Variants in PTPRT observed in about 807,000 individuals in gnomAD.
PTPRT encodes receptor-type tyrosine-protein phosphatase T.
Under a neutral mutation model 176.8 loss-of-function variants are expected in PTPRT, and 56 were observed. That is an observed-to-expected ratio of 0.32 (90% CI 0.26 to 0.40). PTPRT has a LOEUF of 0.40. Ranked by LOEUF, PTPRT falls within the 10% of genes least tolerant of loss-of-function variation. The pLI is 1.00. For synonymous variants in PTPRT, 783 were observed against 739.0 expected (o/e 1.06, Z -0.96); for missense variants, 1,540 against 1,908.2 (o/e 0.81, Z 3.60).
At chr20:43,065,535 A>C (rs902011164) in intron 1 of PTPRT, among the ~76,000 whole-genome samples, 1 of 152,216 alleles carries the variant, frequency 6.6e-6, no homozygotes, top group Non-Finnish European at 1.5e-5. Flanking sequence ...GGAGTGTCTC[A>C]CAGAAGGCAG....
intron 18 of PTPRT, among the ~76,000 whole-genome samples, chr20:42,135,388 A>C (rs1475504788): frequency 6.6e-6 from 1 of 152,248 alleles, no homozygotes; most frequent in East Asian, 1.9e-4. Context: ...TGGCATCAGC[A>C]GCACCTGGGA....
chr20:42,744,096 A>C (rs2145352362), intron 6 of PTPRT, among the ~76,000 whole-genome samples: 1 of 152,342 alleles, frequency 6.6e-6, no homozygotes, highest in Admixed American at 6.5e-5. Flanking sequence ...GGGACTGTTC[A>C]CCTGGACACC....
intron 15 of PTPRT, among the ~76,000 whole-genome samples, chr20:42,202,838 G>A (rs1991506369): frequency 6.6e-6 from 1 of 152,150 alleles, no homozygotes; most frequent in Admixed American, 6.5e-5. Flanking sequence ...GGAAAGGGTT[G>A]TCTTAGGCAC....
intron 14 of PTPRT, among the ~76,000 whole-genome samples, chr20:42,243,073 GA>G (rs1179344905): frequency 6.6e-6 from 1 of 151,458 alleles, no homozygotes; most frequent in East Asian, 1.9e-4. Context: ...GAGGGAGGGG[GA>G]GAAAGAGAGA....
intron 1 of PTPRT, among the ~76,000 whole-genome samples, chr20:43,150,834 G>A (rs865806099): frequency 1.3e-5 from 2 of 152,180 alleles, no homozygotes; most frequent in Admixed American, 1.3e-4. Flanking sequence ...CTGTTACAGA[G>A]TTGGTACAAT....
At chr20:42,318,930 A>G (rs2057759406) in intron 11 of PTPRT, among the ~76,000 whole-genome samples, 1 of 152,114 alleles carries the variant, frequency 6.6e-6, no homozygotes, top group South Asian at 2.1e-4. Context: ...GAGGAACCAC[A>G]TGGCTGTCCT....
At chr20:42,396,473 A>G (rs1568843528) in intron 9 of PTPRT, among the ~76,000 whole-genome samples, 1 of 151,424 alleles carries the variant, frequency 6.6e-6, no homozygotes, top group Non-Finnish European at 1.5e-5. Flanking sequence ...AAAAAGCCAA[A>G]TTAGTTTCTT....
chr20:42,841,627 AC>A (rs1241957128), intron 2 of PTPRT, among the ~76,000 whole-genome samples: 5 of 149,822 alleles, frequency 3.3e-5, no homozygotes, highest in South Asian at 2.1e-4. Context: ...ACACACACAC[AC>A]ACACACACAC....
intron 6 of PTPRT, among the ~76,000 whole-genome samples, chr20:42,715,462 G>A (rs950275707): frequency 6.6e-6 from 1 of 152,074 alleles, no homozygotes; most frequent in Admixed American, 6.5e-5. Flanking sequence ...GACATCAGAA[G>A]TAAGAAAATA....
intron 5 of PTPRT, among the ~76,000 whole-genome samples, chr20:42,757,458 C>T (rs1600704691): frequency 6.6e-6 from 1 of 152,160 alleles, no homozygotes; most frequent in Admixed American, 6.5e-5. Context: ...AGCCTTCCAA[C>T]ACCTCTCTTC....
chr20:42,451,826 G>A (rs1169391206), intron 8 of PTPRT, among the ~76,000 whole-genome samples: 2 of 152,208 alleles, frequency 1.3e-5, no homozygotes, highest in Non-Finnish European at 2.9e-5. Flanking sequence ...GAAGAGGGTT[G>A]AGAAGAGAGG....
chr20:42,400,930 GGGAA>G (rs1046683581), intron 9 of PTPRT, among the ~76,000 whole-genome samples: 11 of 152,000 alleles, frequency 7.2e-5, no homozygotes, highest in African/African-American at 2.2e-4. Context: ...AAGCTATACT[GGGAA>G]GGAAGGAAGG....
chr20:42,989,112 C>T (rs950910741), intron 1 of PTPRT, among the ~76,000 whole-genome samples: 5 of 152,192 alleles, frequency 3.3e-5, no homozygotes, highest in Admixed American at 6.5e-5. Context: ...CATTATTATG[C>T]CCATTTTATG....
chr20:42,584,227 C>A (rs907688035), intron 7 of PTPRT, among the ~76,000 whole-genome samples: 1 of 152,182 alleles, frequency 6.6e-6, no homozygotes, highest in Non-Finnish European at 1.5e-5. Context: ...TTTTAAGCAT[C>A]AACCAGTCTT....
rs374374950 is a variant in PTPRT at position 42,329,473 on chromosome 20, GCACA to G, written c.1866-13481_1866-13478del. 5.3e-3 allele frequency among the ~76,000 whole-genome samples: 765 copies of G among 145,024 alleles called. 6 individuals carry two copies. Among genetic ancestry groups the G allele is most frequent in the African/African-American group, 0.015 (591 of 39,956 alleles). On this transcript the variant is annotated intron_variant, in intron 11 of 30. Transcript: ENST00000373187. ...AACAGTATAAACCAAGAATATAGTG[GCACA>G]CACACACACACACACACACACACAC...
chr20:43,121,404 A>G (rs1372085558), intron 1 of PTPRT, among the ~76,000 whole-genome samples: 1 of 152,206 alleles, frequency 6.6e-6, no homozygotes, highest in African/African-American at 2.4e-5. Context: ...GCATATATCT[A>G]GCTTATTAGA....
the PTPRT span, among the ~76,000 whole-genome samples, chr20:42,057,222 C>G: frequency 6.6e-5 from 10 of 152,170 alleles, no homozygotes; most frequent in African/African-American, 2.2e-4. Flanking sequence ...AGCTAGGTGC[C>G]TGTCTACCTA....
intron 2 of PTPRT, among the ~76,000 whole-genome samples, chr20:42,879,170 C>G (rs769017760): frequency 6.6e-6 from 1 of 152,158 alleles, no homozygotes. Context: ...CCTAGAACTG[C>G]TATTAAAAAT....
At chr20:43,046,038 A>G (rs1051078553) in intron 1 of PTPRT, among the ~76,000 whole-genome samples, 2 of 152,126 alleles carry the variant, frequency 1.3e-5, no homozygotes, top group African/African-American at 4.8e-5. Flanking sequence ...CAGGGGAGGG[A>G]TAAGAGGTGA....
Sources: gnomAD v4.1 joint callset for allele counts (sites outside exome capture counted in the v4.1 genomes callset) on GRCh38, gnomAD v4.1.1 for gene constraint, MANE v1.5 for transcripts, NCBI Gene and HGNC (gene_info 2026-07-23, HGNC 2026-07-21) for gene names.